The following ZSWIM8 variants were observed in gnomAD, a reference collection of about 807,000 sequenced individuals.
ZSWIM8 encodes the protein zinc finger SWIM domain-containing protein 8.
A neutral mutation model predicts 173.7 loss-of-function variants in ZSWIM8; 27 were observed. The observed-to-expected ratio is 0.16, with a 90% CI of 0.11 to 0.21. The LOEUF (loss-of-function observed/expected upper bound fraction) is 0.21. Ranked by LOEUF, ZSWIM8 falls within the 10% of genes least tolerant of loss-of-function variation. The pLI is 1.00. For synonymous variants in ZSWIM8, 958 were observed against 962.0 expected (o/e 1.00, Z 0.08); for missense variants, 1,627 against 2,428.8 (o/e 0.67, Z 6.94).
At chr10:73,798,938 C>CA in intron 20 of ZSWIM8, 64 bp from the exon 21 acceptor site, 1 of 1,542,962 alleles carries the variant, frequency 6.5e-7, no homozygotes, top group Non-Finnish European at 8.8e-7. Flanking sequence ...ATTGGAATCT[C>CA]ATCTAACACC....
intron 1 of ZSWIM8, 127 bp downstream of exon 1, chr10:73,786,213 C>T: frequency 8.9e-7 from 1 of 1,125,100 alleles, no homozygotes; most frequent in Middle Eastern, 3.1e-4. Context: ...GGGAGCTGTC[C>T]CCGGCCGGGA....
intron 12 of ZSWIM8, 38 bp from the exon 13 acceptor site, chr10:73,794,109 G>A (rs1565078583): frequency 6.2e-7 from 1 of 1,612,658 alleles, no homozygotes; most frequent in Admixed American, 1.7e-5. Flanking sequence ...GATCTCTATT[G>A]ACACACCAGA....
In ZSWIM8 at chr10:73,785,715, C is replaced by T. The variant is rs1205588400; in HGVS notation, c.-164C>T. On this transcript the variant is annotated 5_prime_UTR_variant, in exon 1 of 26. Coordinates refer to ENST00000604729, the MANE Select transcript of ZSWIM8 (RefSeq NM_001367799.1). ...TGTTGGGCGAGGCCCGGTCCCGTCT[C>T]TTTCCCAGGCCTGAGATTCTCGCCC... The T allele has an allele frequency of 2.6e-6, 2 of 755,680 alleles. No homozygotes were observed. The highest frequency in any genetic ancestry group is 3.6e-5 in the African/African-American group (2 of 55,010). 46.8% of individuals were successfully genotyped at this position (755,680 alleles called of 1,614,324 possible). A position where few individuals can be genotyped will look rare whatever the true frequency, so the allele number is the denominator to read the frequency against.
rs777298726 is a variant in ZSWIM8 at position 73,797,791 on chromosome 10, C to T, written c.3673C>T (p.Arg1225Cys). 5 of 1,612,186 alleles carry T rather than the reference C, an allele frequency of 3.1e-6. No individual in the cohort carries two copies. The highest frequency in any genetic ancestry group is 4.2e-6 in the Non-Finnish European group (5 of 1,178,588). The change falls in exon 19 of 26, where the codon CGC becomes TGC. Residue 1225 changes from arginine (R) to cysteine (C), a missense_variant. Transcript: ENST00000604729. The surrounding 1 kb of genome is among the most constrained non-coding windows in gnomAD (Gnocchi z 5.6). ...CCATTGCCCCTTCAGGTACAAGGGC[C>T]GCCGCCCCGAGAGTCATGCCCCTCA... Reference protein sequence around the residue: ...KTVEVGRYKGRRPESHAPHVP... With the variant: ...KTVEVGRYKGCRPESHAPHVP...
In ZSWIM8 at chr10:73,797,468, C is replaced by T. The variant is rs1481670440; in HGVS notation, c.3525C>T (p.Pro1175=). The change falls in exon 18 of 26, where the codon CCC becomes CCT. Residue 1175 remains proline, a synonymous_variant. Transcript: ENST00000604729. The surrounding 1 kb of genome is among the most constrained non-coding windows in gnomAD (Gnocchi z 5.6). ...SRRPLRGGWA[P]TSWGRGQDSD... ...GACCACTTCGAGGGGGCTGGGCCCC[C>T]ACCTCCTGGGGTCGAGGTCAGGACA... 2.5e-6 allele frequency: 4 copies of T among 1,613,982 alleles called. No individual in the cohort carries two copies. Among genetic ancestry groups the T allele is most frequent in the East Asian group, 2.2e-5 (1 of 44,872 alleles).
chr10:73,794,661 G>A (rs759206848), intron 14 of ZSWIM8, 22 bp downstream of exon 14: 8 of 1,541,396 alleles, frequency 5.2e-6, no homozygotes, highest in South Asian at 1.2e-5. Context: ...GCATATCAAC[G>A]AGCTAAGCCT....
intron 15 of ZSWIM8, chr10:73,796,573 G>A: frequency 1.5e-6 from 1 of 649,632 alleles, no homozygotes; most frequent in South Asian, 2.0e-5. Flanking sequence ...TGGTGTTAAT[G>A]GAGGATACCA....
Position 73,791,115 on chromosome 10 carries a change from G to A in ZSWIM8, c.1082G>A (p.Arg361Lys). 6.2e-7 allele frequency: 1 copy of A among 1,613,786 alleles called. No homozygotes were observed. The highest frequency in any genetic ancestry group is 8.5e-7 in the Non-Finnish European group (1 of 1,179,746). Residue 361 changes from arginine to lysine, a missense_variant, in exon 8 of 26, where the codon AGG becomes AAG. Arg to Lys is a conservative substitution (Grantham distance 26). This residue lies in a region of ZSWIM8 where 38 missense variants were observed against 106.1 expected (regional missense o/e 0.36). Transcript: ENST00000604729. The surrounding 1 kb of genome is among the most constrained non-coding windows in gnomAD (Gnocchi z 6.0). ...LSIVREMFKR[R>K]DSNAAPLLEI... is the part of the protein sequence containing the mutation. ...ATTGTGCGGGAGATGTTCAAGCGGA[G>A]GGACAGCAATGCTGCCCCCTTGTTG...
intron 14 of ZSWIM8, among the ~76,000 whole-genome samples, chr10:73,795,282 G>A (rs1403837243): frequency 6.6e-6 from 1 of 152,222 alleles, no homozygotes; most frequent in East Asian, 1.9e-4. Flanking sequence ...GTTTTCATGA[G>A]AATGAGGAGG....
Position 73,799,131 on chromosome 10 carries a change from T to A in ZSWIM8, c.4306T>A (p.Ser1436Thr). 6.2e-7 allele frequency: 1 copy of A among 1,613,500 alleles called. No individual in the cohort carries two copies. The highest frequency in any genetic ancestry group is 2.2e-5 in the East Asian group (1 of 44,874). ...GCTGTATGAGCAAACTGCAGGTGGC[T>A]CATCCACAGCCCGTGAAGGGGCTAC... The part of the protein sequence containing the change: ...FWLYEQTAGG[S>T]STAREGATSC... Residue 1436 changes from serine (S) to threonine (T), a missense_variant, in exon 21 of 26, where the codon TCA (serine) becomes ACA (threonine). By Grantham distance (58) the Ser-to-Thr change is moderately conservative. Coordinates refer to ENST00000604729, the MANE Select transcript of ZSWIM8 (RefSeq NM_001367799.1).
intron 6 of ZSWIM8, 33 bp from the exon 7 acceptor site, chr10:73,790,139 A>T: frequency 1.2e-6 from 2 of 1,611,060 alleles, no homozygotes; most frequent in Non-Finnish European, 1.7e-6. Flanking sequence ...CCAGGCCCCT[A>T]TCTCTAGATG....
chr10:73,801,061 G>T lies in ZSWIM8; in HGVS notation c.5167G>T (p.Val1723Leu), dbSNP rs1320882431. 1 of 1,559,634 alleles carries T rather than the reference G, an allele frequency of 6.4e-7. No homozygotes were observed. The highest frequency in any genetic ancestry group is 1.9e-5 in the Admixed American group (1 of 51,980). Residue 1723 changes from valine (V) to leucine (L), a missense_variant, in exon 25 of 26, where the codon GTG (valine) becomes TTG (leucine). Around this residue, in one of 18 missense-constraint regions of ZSWIM8, gnomAD observed 122 missense variants for 196.1 expected, o/e 0.62. Transcript: ENST00000604729. This position sits in a 1 kb window ranked among gnomAD's most constrained non-coding sequence, Gnocchi z 4.9. ...GTTCTGTGTGGGGGCAGCCAAGGGG[G>T]TGCTGAGCCCGTTTGTGCTGCAGGA... ...HQFCVGAAKG[V>L]LSPFVLQEIV...
Position 73,798,470 on chromosome 10 carries a change from T to A in ZSWIM8, c.4176+17T>A, listed in dbSNP as rs1277828077. On this transcript the variant is annotated intron_variant, in intron 20 of 25. Transcript: ENST00000604729. The stretch of plus-strand genomic sequence containing the variant: ...AAGGAACAGGTATTTCTACGGGCAA[T>A]CTGGGAACCTCTTCTGGGGCATCTG... The A allele has an allele frequency of 9.3e-6, 15 of 1,605,452 alleles. No homozygotes were observed. Among genetic ancestry groups the A allele is most frequent in the Non-Finnish European group, 1.2e-5 (14 of 1,173,948 alleles).
intron 21 of ZSWIM8, 191 bp downstream of exon 21, chr10:73,799,681 A>T: frequency 1.2e-6 from 1 of 810,000 alleles, no homozygotes; most frequent in South Asian, 1.7e-5. Flanking sequence ...CTGTAATCCC[A>T]GCACTTTGAG....
Position 73,789,854 on chromosome 10 carries a change from T to C in ZSWIM8, c.738+30T>C. ...GTGAGGTCGGCACCCCCTCCTGCAA[T>C]TAGCTCCGGGCCAGGCCGCATAACA... On this transcript the variant is annotated intron_variant, in intron 5 of 25. Transcript: ENST00000604729. This position sits in a 1 kb window ranked among gnomAD's most constrained non-coding sequence, Gnocchi z 6.8. 1 of 1,587,688 alleles carries C rather than the reference T, an allele frequency of 6.3e-7. No homozygotes were observed. The highest frequency in any genetic ancestry group is 8.6e-7 in the Non-Finnish European group (1 of 1,166,320).
chr10:73,801,361 G>A lies in ZSWIM8; in HGVS notation c.5347G>A (p.Asp1783Asn). 3.7e-6 allele frequency: 6 copies of A among 1,613,956 alleles called. No individual in the cohort carries two copies. Among genetic ancestry groups the A allele is most frequent in the East Asian group, 2.2e-5 (1 of 44,882 alleles). ...TCACCTGACTCCTGCGGACTACGAC[G>A]ACTTTGTGAATGCGATCCGGAGTGC... is the stretch of plus-strand genomic sequence containing the variant. ...LIHLTPADYD[D>N]FVNAIRSARS... The change falls in exon 26 of 26, where the codon GAC becomes AAC. Residue 1783 changes from aspartate (D) to asparagine (N), a missense_variant. Asp to Asn is a conservative substitution (Grantham distance 23). Transcript: ENST00000604729. The surrounding 1 kb of genome is among the most constrained non-coding windows in gnomAD (Gnocchi z 4.9).
At position 73,796,758 on chromosome 10, in the gene ZSWIM8, T is replaced by C. The variant is rs2083680773; in HGVS notation, c.3034-16T>C. On this transcript the variant is annotated splice_polypyrimidine_tract_variant and intron_variant, in intron 15 of 25. Transcript: ENST00000604729. The stretch of plus-strand genomic sequence containing the variant: ...CTGTCACTGCTTCTCTGGAGGTCAC[T>C]GCTTCTGTCTTCCAGATCTTAGACA... 3 of 1,611,028 alleles carry C rather than the reference T, an allele frequency of 1.9e-6. No homozygotes were observed. The highest frequency in any genetic ancestry group is 2.5e-6 in the Non-Finnish European group (3 of 1,179,672).
chr10:73,799,653 G>A (rs577795388), intron 21 of ZSWIM8, 163 bp downstream of exon 21: 23 of 988,682 alleles, frequency 2.3e-5, no homozygotes, highest in South Asian at 3.1e-5. Flanking sequence ...AATGACGGCC[G>A]GGCATGGTGG....
chr10:73,799,703 G>A (rs1254191124), intron 21 of ZSWIM8: 4 of 707,902 alleles, frequency 5.7e-6, no homozygotes, highest in East Asian at 2.7e-5. Context: ...GGCCGATGTG[G>A]GTGGATCACT....
Sources: allele counts gnomAD v4.1 joint callset (sites outside exome capture counted in the v4.1 genomes callset), GRCh38; gene constraint gnomAD v4.1.1; regional missense constraint gnomAD v4.1.1; non-coding constraint Gnocchi (gnomAD v3.1); transcripts MANE v1.5; gene names NCBI Gene and HGNC (gene_info 2026-07-23, HGNC 2026-07-21).